Variants in MOB1B observed in about 807,000 individuals in gnomAD.
MOB1B encodes MOB1 Mps One Binder homolog B.
MOB1B carries 19 observed loss-of-function variants against 24.4 expected under a neutral mutation model. The ratio of observed to expected loss-of-function variants is 0.78; its 90% CI spans 0.54 to 1.14. MOB1B has a LOEUF of 1.14. MOB1B is among the 50% of genes most tolerant of loss of function. The probability of loss-of-function intolerance (pLI) is 0.00; values close to 1 mark genes in which losing one functional copy is unlikely to be tolerated. For synonymous variants in MOB1B, 76 were observed against 82.1 expected, an observed-to-expected ratio of 0.93 and a Z score of 0.40; for missense variants, 243 against 259.6, an observed-to-expected ratio of 0.94 and a Z score of 0.44.
chr4:70,903,296 T>C (rs1323117275), intron 1 of MOB1B, among the ~76,000 whole-genome samples: 1 of 152,232 alleles, frequency 6.6e-6, no homozygotes, highest in Non-Finnish European at 1.5e-5. Flanking sequence ...TGGGGAGTTG[T>C]TTTGAAAATC....
intron 1 of MOB1B, among the ~76,000 whole-genome samples, chr4:70,929,647 A>ATT (rs1306346318): frequency 5.2e-5 from 7 of 135,264 alleles, no homozygotes; most frequent in Non-Finnish European, 6.5e-5. Flanking sequence ...CACCAAGCTA[A>ATT]TTTTTTTTTT....
chr4:70,949,793 AG>A (rs1737726312), intron 1 of MOB1B, among the ~76,000 whole-genome samples: 1 of 151,984 alleles, frequency 6.6e-6, no homozygotes, highest in African/African-American at 2.4e-5. Flanking sequence ...ACTACTTGGG[AG>A]GCCGAGGTGG....
intron 1 of MOB1B, among the ~76,000 whole-genome samples, chr4:70,923,017 A>C (rs886422619): frequency 2.0e-5 from 3 of 152,188 alleles, no homozygotes; most frequent in Non-Finnish European, 4.4e-5. Flanking sequence ...TGATTATTAA[A>C]GGCCAAACCT....
upstream of MOB1B, among the ~76,000 whole-genome samples, chr4:70,902,166 C>T (rs1441759970): frequency 6.6e-6 from 1 of 152,162 alleles, no homozygotes; most frequent in African/African-American, 2.4e-5. Context: ...TCCCTAGCAG[C>T]AGAGGAGACC....
chr4:70,940,679 T>G (rs1737293550), intron 1 of MOB1B, among the ~76,000 whole-genome samples: 1 of 150,920 alleles, frequency 6.6e-6, no homozygotes. Flanking sequence ...GGCATTAATT[T>G]TTTTTTTTTT....
At chr4:70,955,836 C>T (rs1738024726) in intron 1 of MOB1B, among the ~76,000 whole-genome samples, 1 of 151,800 alleles carries the variant, frequency 6.6e-6, no homozygotes, top group Non-Finnish European at 1.5e-5. Context: ...AAGTTTCAAG[C>T]TTGGTAGGCA....
chr4:70,905,088 G>A (rs1394241154), intron 1 of MOB1B, among the ~76,000 whole-genome samples: 1 of 152,124 alleles, frequency 6.6e-6, no homozygotes, highest in Non-Finnish European at 1.5e-5. Flanking sequence ...AATCAGAAAA[G>A]TTAATTCAAC....
chr4:70,956,639 G>C (rs1738065084), intron 1 of MOB1B, among the ~76,000 whole-genome samples: 1 of 151,526 alleles, frequency 6.6e-6, no homozygotes, highest in Non-Finnish European at 1.5e-5. Flanking sequence ...ATGTTGCCCA[G>C]ATTGGCCTGG....
chr4:70,904,684 G>C (rs551237350), intron 1 of MOB1B, among the ~76,000 whole-genome samples: 10 of 151,720 alleles, frequency 6.6e-5, no homozygotes, highest in African/African-American at 2.2e-4. Context: ...ACTTGAACCC[G>C]GGAGGTAGAG....
chr4:70,902,527 C>T lies in MOB1B; in HGVS notation c.-10C>T, dbSNP rs370139283. The T allele has an allele frequency of 4.4e-4, 685 of 1,564,622 alleles. 4 individuals carry two copies. The African/African-American group carries it at 8.1e-3, about 19-fold the overall frequency. ...CGACCGCCGAGCCTGCAGCCTGCCC[C>T]GCGGCCAACATGAGCTTCTTGTTGT... On this transcript the variant is annotated 5_prime_UTR_variant, in exon 1 of 6. Transcript: ENST00000309395.
intron 1 of MOB1B, among the ~76,000 whole-genome samples, chr4:70,951,561 T>C (rs1737804977): frequency 6.6e-6 from 1 of 152,220 alleles, no homozygotes; most frequent in Non-Finnish European, 1.5e-5. Flanking sequence ...GAATTATTAA[T>C]GTGATACCTC....
intron 2 of MOB1B, among the ~76,000 whole-genome samples, chr4:70,966,866 GA>G (rs111811163): frequency 0.013 from 1,937 of 150,062 alleles, 38 homozygotes; most frequent in African/African-American, 0.045. Context: ...AAATAAATTA[GA>G]AAAAAAATAT....
intron 5 of MOB1B, among the ~76,000 whole-genome samples, chr4:70,979,793 G>A (rs1011894680): frequency 6.6e-6 from 1 of 152,150 alleles, no homozygotes; most frequent in Non-Finnish European, 1.5e-5. Context: ...CACAAAGAAT[G>A]TTTCTGTGCC....
intron 2 of MOB1B, among the ~76,000 whole-genome samples, chr4:70,965,296 CAA>C (rs1175536577): frequency 8.3e-5 from 3 of 36,218 alleles, no homozygotes; most frequent in Non-Finnish European, 1.2e-4. Context: ...GACTTCATCT[CAA>C]AAAAAAAAAA....
At position 70,957,645 on chromosome 4, in the gene MOB1B, A is replaced by G. The variant is rs147464660; in HGVS notation, c.15-1229A>G. Among the ~76,000 whole-genome samples the G allele has an allele frequency of 1.9e-3, 291 of 151,644 alleles. 1 individual carries two copies. The highest frequency in any genetic ancestry group is 6.7e-3 in the African/African-American group (278 of 41,314). On this transcript the variant is annotated intron_variant, in intron 1 of 5. Transcript: ENST00000309395. ...TTTAGAGATGGAGGGAGTCTCATGCATTGCCCAGGCTGGTCTCGAACTCCT... is the reference window on the plus strand; with the variant it reads ...TTTAGAGATGGAGGGAGTCTCATGCGTTGCCCAGGCTGGTCTCGAACTCCT...
At position 70,986,906 on chromosome 4, in the gene MOB1B, T is replaced by C. The variant is rs974551838; in HGVS notation, c.*4849T>C. On this transcript the variant is annotated 3_prime_UTR_variant, in exon 6 of 6. Coordinates refer to ENST00000309395, the MANE Select transcript of MOB1B (RefSeq NM_173468.4). ...GGTATAAAACTGCACTGTATGTCTG[T>C]CACTTGTAGCTGAACTGATTCACAT... 6.6e-6 allele frequency: 1 copy of C among 152,194 alleles called. No individual in the cohort carries two copies. Among genetic ancestry groups the C allele is most frequent in the African/African-American group, 2.4e-5 (1 of 41,466 alleles). 9.4% of individuals were successfully genotyped at this position (152,194 alleles called of 1,614,324 possible). A position where few individuals can be genotyped will look rare whatever the true frequency, so the allele number is the denominator to read the frequency against.
chr4:70,953,932 A>C (rs1392877224), intron 1 of MOB1B, among the ~76,000 whole-genome samples: 1 of 152,196 alleles, frequency 6.6e-6, no homozygotes, highest in East Asian at 1.9e-4. Context: ...TGACAGAGCA[A>C]GACTCTGTCT....
intron 3 of MOB1B, among the ~76,000 whole-genome samples, chr4:70,970,338 C>G (rs115674619): frequency 2.1e-3 from 320 of 152,268 alleles, no homozygotes; most frequent in African/African-American, 5.6e-3. Context: ...TCCCATTTCA[C>G]TCCTGTCATT....
intron 1 of MOB1B, among the ~76,000 whole-genome samples, chr4:70,939,316 A>G (rs1361723021): frequency 2.6e-5 from 4 of 152,230 alleles, no homozygotes; most frequent in African/African-American, 9.6e-5. Context: ...AATAAAAAGA[A>G]TGAAAGAGAA....
Sources: gnomAD v4.1 joint callset for allele counts (sites outside exome capture counted in the v4.1 genomes callset) on GRCh38, gnomAD v4.1.1 for gene constraint, MANE v1.5 for transcripts, NCBI Gene and HGNC (gene_info 2026-07-23, HGNC 2026-07-21) for gene names.